SH3BP5L: variants seen among roughly 807,000 people sequenced by gnomAD.
The protein encoded by SH3BP5L is SH3 domain-binding protein 5-like.
A neutral mutation model predicts 40.9 loss-of-function variants in SH3BP5L; 16 were observed. That is an observed-to-expected ratio of 0.39 (90% CI 0.27 to 0.59). The LOEUF (loss-of-function observed/expected upper bound fraction) is 0.59, where lower values mean the gene tolerates loss of function less well. SH3BP5L is among the 20% of genes least tolerant of loss of function. The pLI is 0.53. For synonymous variants in SH3BP5L, 229 were observed against 226.7 expected (o/e 1.01, Z -0.09); for missense variants, 471 against 544.6 (o/e 0.86, Z 1.35).
In SH3BP5L at chr1:248,813,116, T is replaced by G; in HGVS notation, c.584A>C (p.Gln195Pro). Reference protein sequence around the residue: ...EERLRGEREHQRVTRLCQQAE... With the variant: ...EERLRGEREHPRVTRLCQQAE... ...CTGTTGGCACAGCCGAGTCACTCGC[T>G]GGTGCTCCCGCTCACCTCGAAGCCG... is the stretch of plus-strand genomic sequence containing the variant. Residue 195 changes from glutamine to proline, a missense_variant, in exon 6 of 7, where the codon CAG becomes CCG. Gln to Pro is a moderately conservative substitution (Grantham distance 76). This residue lies in a region of SH3BP5L where 275 missense variants were observed against 370.1 expected (regional missense o/e 0.74). Coordinates refer to ENST00000366472, the MANE Select transcript of SH3BP5L (RefSeq NM_030645.3). 1 of 1,610,518 alleles carries G rather than the reference T, an allele frequency of 6.2e-7. No individual in the cohort carries two copies. The highest frequency in any genetic ancestry group is 8.5e-7 in the Non-Finnish European group (1 of 1,178,166).
chr1:248,813,821 C>A (rs1664025262), intron 5 of SH3BP5L: 1 of 160,122 alleles, frequency 6.2e-6, no homozygotes, highest in Admixed American at 6.0e-5. Context: ...CTACACTATA[C>A]ACCATCCCCT....
chr1:248,817,110 G>T (rs961303321), intron 2 of SH3BP5L: 1 of 1,448,512 alleles, frequency 6.9e-7, no homozygotes, highest in Non-Finnish European at 9.3e-7. Flanking sequence ...CCTTGTATTG[G>T]GTAGTAAAAC....
chr1:248,815,470 T>C (rs1035687597), intron 4 of SH3BP5L, among the ~76,000 whole-genome samples: 2 of 152,220 alleles, frequency 1.3e-5, no homozygotes, highest in African/African-American at 4.8e-5. Context: ...ATTAATCATA[T>C]TTTTATTTTC....
intron 2 of SH3BP5L, among the ~76,000 whole-genome samples, chr1:248,817,463 T>G (rs1664138294): frequency 6.6e-6 from 1 of 152,172 alleles, no homozygotes; most frequent in Non-Finnish European, 1.5e-5. Flanking sequence ...GTGGGTGCTC[T>G]CTGGGTAGCA....
At chr1:248,825,814 A>G in intron 1 of SH3BP5L, 21 bp downstream of exon 1, 1 of 932,452 alleles carries the variant, frequency 1.1e-6, no homozygotes, top group Non-Finnish European at 1.3e-6. Flanking sequence ...CCATGCGCAA[A>G]AGCCCCCCGC....
intron 5 of SH3BP5L, 191 bp downstream of exon 5, chr1:248,814,258 G>C: frequency 1.6e-6 from 1 of 643,620 alleles, no homozygotes; most frequent in Non-Finnish European, 2.7e-6. Context: ...TTCTAAGTCA[G>C]AGGGAAATGG....
At position 248,825,366 on chromosome 1, in the gene SH3BP5L, G is replaced by A. The variant is rs181206169; in HGVS notation, c.-431C>T. On this transcript the variant is annotated splice_region_variant and 5_prime_UTR_variant, in exon 2 of 7. Transcript: ENST00000366472. ...GCTGTAGGATGAGCGTCTCTGGGGA[G>A]CTGCAGAGAAACAAAGGCCAAGTAT... The A allele has an allele frequency of 8.6e-5, 86 of 996,456 alleles. No homozygotes were observed. In the East Asian group the frequency reaches 7.1e-3, roughly 82 times the overall value. 61.7% of individuals were successfully genotyped at this position (996,456 alleles called of 1,614,324 possible).
chr1:248,813,597 G>C (rs1664018330), intron 5 of SH3BP5L: 1 of 160,230 alleles, frequency 6.2e-6, no homozygotes, highest in Admixed American at 6.5e-5. Flanking sequence ...CAATGGTTAG[G>C]GATCTGGGAG....
chr1:248,824,952 C>T lies in SH3BP5L; in HGVS notation c.-17G>A. On this transcript the variant is annotated 5_prime_UTR_variant, in exon 2 of 7. Coordinates refer to ENST00000366472, the MANE Select transcript of SH3BP5L (RefSeq NM_030645.3). ...CTCAGCCATGCTGACAGGGGGAGGG[C>T]AGAGCCCTATGCACAAGAGAGGACT... 1 of 1,608,214 alleles carries T rather than the reference C, an allele frequency of 6.2e-7. No homozygotes were observed. The highest frequency in any genetic ancestry group is 1.1e-5 in the South Asian group (1 of 90,514).
At position 248,824,885 on chromosome 1, in the gene SH3BP5L, C is replaced by T. The variant is rs146640298; in HGVS notation, c.51G>A (p.Glu17=). 1 of 1,613,992 alleles carries T rather than the reference C, an allele frequency of 6.2e-7. No homozygotes were observed. Among genetic ancestry groups the T allele is most frequent in the African/African-American group, 1.3e-5 (1 of 74,938 alleles). ...VPGGRETPQG[E]LRPEVVEDEV... The stretch of plus-strand genomic sequence containing the variant: ...CATCCTCTACAACTTCAGGCCGCAG[C>T]TCCCCCTGTGGGGTCTCCCGCCCTC... The change falls in exon 2 of 7, where the codon GAG becomes GAA. Residue 17 remains glutamate, a synonymous_variant. Transcript: ENST00000366472.
chr1:248,812,055 A>C lies in SH3BP5L; in HGVS notation c.1027T>G (p.Ser343Ala). The C allele has an allele frequency of 6.2e-7, 1 of 1,612,900 alleles. No homozygotes were observed. The change falls in exon 7 of 7, where the codon TCA (serine) becomes GCA (alanine). Residue 343 changes from serine to alanine, a missense_variant. Physicochemically the swap from Ser to Ala is moderately conservative, Grantham distance 99. This residue lies in a region of SH3BP5L where 196 missense variants were observed against 174.6 expected (regional missense o/e 1.12). Coordinates refer to ENST00000366472, the MANE Select transcript of SH3BP5L (RefSeq NM_030645.3). The surrounding 1 kb of genome is among the most constrained non-coding windows in gnomAD (Gnocchi z 6.1). Reference protein sequence around the residue: ...LSLLSLRTVASDLQKCDSVEH... With the variant: ...LSLLSLRTVAADLQKCDSVEH... ...ACGGAGTCGCACTTCTGCAGGTCTG[A>C]AGCCACCGTGCGCAGGCTCAGCAGA...
chr1:248,814,561 C>T lies in SH3BP5L; in HGVS notation c.425G>A (p.Ser142Asn). The change falls in exon 5 of 7, where the codon AGC becomes AAC. Residue 142 changes from serine (S) to asparagine (N), a missense_variant. By Grantham distance (46) the Ser-to-Asn change is conservative. Coordinates refer to ENST00000366472, the MANE Select transcript of SH3BP5L (RefSeq NM_030645.3). ...CATTTCTCGAGCAGCGTTGTGCATG[C>T]TTACGGCCCGCTCGTACCGCAGCGC... The part of the protein sequence containing the change: ...KAALRYERAV[S>N]MHNAAREMVF... 6.2e-7 allele frequency: 1 copy of T among 1,614,216 alleles called. No individual in the cohort carries two copies. Among genetic ancestry groups the T allele is most frequent in the Non-Finnish European group, 8.5e-7 (1 of 1,180,038 alleles).
chr1:248,813,608 T>A (rs1026305788), intron 5 of SH3BP5L: 1 of 158,016 alleles, frequency 6.3e-6, no homozygotes, highest in Non-Finnish European at 1.4e-5. Context: ...GATCTGGGAG[T>A]GAGAAGAGCC....
rs754859644 is a variant in SH3BP5L at position 248,812,233 on chromosome 1, G to T, written c.849C>A (p.Pro283=). 2.5e-6 allele frequency: 4 copies of T among 1,609,724 alleles called. No individual in the cohort carries two copies. The change falls in exon 7 of 7, where the codon CCC becomes CCA. Residue 283 remains proline, a synonymous_variant. Coordinates refer to ENST00000366472, the MANE Select transcript of SH3BP5L (RefSeq NM_030645.3). The surrounding 1 kb of genome is among the most constrained non-coding windows in gnomAD (Gnocchi z 6.1). The part of the protein sequence containing the change: ...ARRRGGLPPH[P]LGPRRSSPVG... ...CGGGGGAGGAGCGCCGAGGGCCCAGGGGGTGGGGAGGCAGACCCCCGCGGC... is the reference window on the plus strand; with the variant it reads ...CGGGGGAGGAGCGCCGAGGGCCCAGTGGGTGGGGAGGCAGACCCCCGCGGC...
Position 248,811,825 on chromosome 1 carries a change from G to C in SH3BP5L, c.*75C>G. ...CCTTCGGGAAGACGAGGCCCCAGAG[G>C]AGAGGGCGTGAGAAGACTGTGGGCC... On this transcript the variant is annotated 3_prime_UTR_variant, in exon 7 of 7. Transcript: ENST00000366472. The C allele has an allele frequency of 9.1e-7, 1 of 1,102,616 alleles. No homozygotes were observed. Among genetic ancestry groups the C allele is most frequent in the Non-Finnish European group, 1.3e-6 (1 of 790,848 alleles). The allele number at this position is 1,102,616 out of a possible 1,614,324, so 68.3% of individuals were successfully genotyped here.
chr1:248,813,550 T>A (rs1664015987), intron 5 of SH3BP5L: 1 of 192,740 alleles, frequency 5.2e-6, no homozygotes, highest in South Asian at 1.9e-4. Flanking sequence ...ACATCACACA[T>A]CTGCAGCAGC....
At chr1:248,817,095 C>T (rs542040154) in intron 2 of SH3BP5L, 1 of 1,505,326 alleles carries the variant, frequency 6.6e-7, no homozygotes, top group East Asian at 2.5e-5. Context: ...ATCCTCACAA[C>T]TCTACCTTGT....
At position 248,821,508 on chromosome 1, in the gene SH3BP5L, C is replaced by A. The variant is rs1255338110; in HGVS notation, c.183+3245G>T. On this transcript the variant is annotated intron_variant, in intron 2 of 6. Coordinates refer to ENST00000366472, the MANE Select transcript of SH3BP5L (RefSeq NM_030645.3). This position sits in a 1 kb window ranked among gnomAD's most constrained non-coding sequence, Gnocchi z 4.6. The stretch of plus-strand genomic sequence containing the variant: ...GATGACTGTCCTGTGAAAGCTAAAC[C>A]CATACTTCTAGATGAGGTCACAGAG... Among the ~76,000 whole-genome samples the A allele has an allele frequency of 6.6e-6, 1 of 152,034 alleles. No homozygotes were observed.
chr1:248,819,645 G>C (rs939496824), intron 2 of SH3BP5L, among the ~76,000 whole-genome samples: 2 of 141,494 alleles, frequency 1.4e-5, no homozygotes, highest in Non-Finnish European at 3.0e-5. Context: ...GGAAGTTGCA[G>C]TGGTCTGAGA....
Sources: gnomAD v4.1 joint callset for allele counts (sites outside exome capture counted in the v4.1 genomes callset) on GRCh38, gnomAD v4.1.1 for gene constraint, gnomAD v4.1.1 regional missense constraint, Gnocchi (gnomAD v3.1) non-coding constraint, MANE v1.5 for transcripts, NCBI Gene and HGNC (gene_info 2026-07-23, HGNC 2026-07-21) for gene names.